MYO19: variants seen among roughly 807,000 people sequenced by gnomAD.
MYO19 encodes the protein unconventional myosin-XIX.
A neutral mutation model predicts 129.2 loss-of-function variants in MYO19; 132 were observed. The ratio of observed to expected loss-of-function variants is 1.02; its 90% CI spans 0.89 to 1.18. The LOEUF is 1.18. Among genes scored for constraint, MYO19 ranks in the 50% most tolerant of loss-of-function variants. The pLI is 0.00. For synonymous variants in MYO19, 531 were observed against 477.2 expected, an observed-to-expected ratio of 1.11 and a Z score of -1.47; for missense variants, 1,210 against 1,216.7, an observed-to-expected ratio of 0.99 and a Z score of 0.08.
At position 36,528,119 on chromosome 17, in the gene MYO19, G is replaced by T. The variant is rs2142386841; in HGVS notation, c.96C>A (p.Val32=). 3 of 1,613,802 alleles carry T rather than the reference G, an allele frequency of 1.9e-6. No homozygotes were observed. Among genetic ancestry groups the T allele is most frequent in the African/African-American group, 2.7e-5 (2 of 75,034 alleles). The change falls in exon 4 of 26, where the codon GTC becomes GTA. Residue 32 remains valine (V), a synonymous_variant. Coordinates refer to ENST00000614623, the MANE Select transcript of MYO19 (RefSeq NM_001163735.2). The part of the protein sequence containing the change: ...EDLQEFLGGE[V]LLYKLDDLTR... ...TGAGGTCATCCAGTTTGTACAGCAG[G>T]ACCTCCCCACCCAGGAACTCCTGCA...
chr17:36,520,012 T>C (rs1352106358), intron 6 of MYO19, among the ~76,000 whole-genome samples: 15 of 152,172 alleles, frequency 9.9e-5, no homozygotes, highest in Non-Finnish European at 1.5e-5. Flanking sequence ...TTTTCCTTTT[T>C]TTTGAGACAG....
intron 9 of MYO19, 49 bp from the exon 10 acceptor site, chr17:36,513,774 C>T (rs745804033): frequency 6.5e-7 from 1 of 1,545,444 alleles, no homozygotes; most frequent in South Asian, 1.1e-5. Context: ...TGAGAAAAGC[C>T]CAGGCCTGCA....
At chr17:36,535,750 T>G (rs2074099266), upstream of MYO19, 1 of 152,162 alleles carries the variant, frequency 6.6e-6, no homozygotes, top group Non-Finnish European at 1.5e-5. Context: ...CTTCCACCTC[T>G]GGGCTCAAGC....
In MYO19 at chr17:36,505,285, G is replaced by T; in HGVS notation, c.1905+12C>A. 1 of 1,611,134 alleles carries T rather than the reference G, an allele frequency of 6.2e-7. No homozygotes were observed. Among genetic ancestry groups the T allele is most frequent in the Non-Finnish European group, 8.5e-7 (1 of 1,177,248 alleles). On this transcript the variant is annotated intron_variant, in intron 19 of 25. Coordinates refer to ENST00000614623, the MANE Select transcript of MYO19 (RefSeq NM_001163735.2). ...GTTTGGTGCGAAGCAGCTTTGGCCC[G>T]GTGTTAATTACCTCCTCTTGGAGAA...
In MYO19 at chr17:36,496,667, G is replaced by C. The variant is rs189612240; in HGVS notation, c.2758-261C>G. ...AGAAGGGCAAAACATTTACCCTTCT[G>C]TTTAGCAGGCCTGTGTGTTTTCATG... is the stretch of plus-strand genomic sequence containing the variant. On this transcript the variant is annotated intron_variant, in intron 25 of 25. Coordinates refer to ENST00000614623, the MANE Select transcript of MYO19 (RefSeq NM_001163735.2). 3.9e-5 allele frequency among the ~76,000 whole-genome samples: 6 copies of C among 152,282 alleles called. No individual in the cohort carries two copies. In the East Asian group the frequency reaches 1.2e-3, roughly 29 times the overall value.
chr17:36,542,401 G>C lies in MYO19; in HGVS notation n.311-236C>G, dbSNP rs572208786. ...GTTCTTTACCAACCAGAATCCTAATGAAGTCTAAAAGGTTTAGGCTGGGCA... is the reference window on the plus strand; with the variant it reads ...GTTCTTTACCAACCAGAATCCTAATCAAGTCTAAAAGGTTTAGGCTGGGCA... On this transcript the variant is annotated intron_variant and non_coding_transcript_variant, in intron 1 of 2. Transcript: ENST00000610496. Among the ~76,000 whole-genome samples the C allele has an allele frequency of 2.4e-4, 37 of 152,126 alleles. 1 individual carries two copies. Among genetic ancestry groups the C allele is most frequent in the South Asian group, 1.7e-3 (8 of 4,818 alleles).
At chr17:36,502,400 A>G (rs2142833900) in intron 21 of MYO19, among the ~76,000 whole-genome samples, 1 of 152,138 alleles carries the variant, frequency 6.6e-6, no homozygotes, top group East Asian at 1.9e-4. Context: ...CTCACTTCCC[A>G]GGCTAAGTTA....
chr17:36,531,176 C>T (rs1020848252), intron 3 of MYO19, among the ~76,000 whole-genome samples: 17 of 151,798 alleles, frequency 1.1e-4, no homozygotes, highest in African/African-American at 3.9e-4. Context: ...GGGTGGATCA[C>T]GAGGTCAGGA....
chr17:36,532,235 T>G (rs2073874962), intron 3 of MYO19, among the ~76,000 whole-genome samples: 1 of 152,080 alleles, frequency 6.6e-6, no homozygotes, highest in Admixed American at 6.6e-5. Flanking sequence ...CCTCAACAAT[T>G]CAGGTGGCAG....
At chr17:36,509,202 TC>T in intron 13 of MYO19, 67 bp from the exon 14 acceptor site, 6 of 1,452,044 alleles carry the variant, frequency 4.1e-6, no homozygotes, top group Admixed American at 1.8e-5. Context: ...GTAAAATTGC[TC>T]CCCCCATCAG....
chr17:36,498,745 G>C (rs1269334582), intron 24 of MYO19, 186 bp from the exon 25 acceptor site: 1 of 637,794 alleles, frequency 1.6e-6, no homozygotes, highest in East Asian at 2.7e-5. Context: ...CCAGGCAACT[G>C]TGCTTAGGCC....
chr17:36,523,535 C>T (rs1333963239), intron 6 of MYO19, among the ~76,000 whole-genome samples: 1 of 151,952 alleles, frequency 6.6e-6, no homozygotes, highest in East Asian at 1.9e-4. Flanking sequence ...TTTACTTGCC[C>T]CACTTTTTCA....
At chr17:36,513,050 CAG>C in intron 11 of MYO19, 1 of 1,165,986 alleles carries the variant, frequency 8.6e-7, no homozygotes, top group South Asian at 1.9e-5. Context: ...TAAACACACA[CAG>C]AGGACTGTTT....
intron 11 of MYO19, chr17:36,512,844 C>T: frequency 8.1e-7 from 1 of 1,227,770 alleles, no homozygotes; most frequent in Non-Finnish European, 1.0e-6. Context: ...GGGAGGCCCC[C>T]CTAGTGTGAC....
intron 3 of MYO19, among the ~76,000 whole-genome samples, chr17:36,532,051 G>C (rs1042349509): frequency 2.6e-5 from 4 of 152,164 alleles, no homozygotes; most frequent in African/African-American, 9.6e-5. Flanking sequence ...TGTAACCCAT[G>C]ATCCACTCAT....
intron 23 of MYO19, chr17:36,500,504 A>C: frequency 6.9e-6 from 2 of 290,188 alleles, no homozygotes; most frequent in Non-Finnish European, 1.3e-5. Context: ...CCCAGCAGGT[A>C]ATGGTTTGAG....
At chr17:36,521,117 G>A (rs1269036658) in intron 6 of MYO19, among the ~76,000 whole-genome samples, 1 of 152,152 alleles carries the variant, frequency 6.6e-6, no homozygotes. Context: ...AAAGACTGGA[G>A]GAATCTTTTC....
rs990690753 is a variant in MYO19 at position 36,496,103 on chromosome 17, G to T, written c.*148C>A. On this transcript the variant is annotated 3_prime_UTR_variant, in exon 26 of 26. Transcript: ENST00000614623. ...CCAGGCCCACTGACGCACTGGGCAC[G>T]GGGCTCTGGGTCGAAGGCTGGAGCC... 3.6e-6 allele frequency: 4 copies of T among 1,123,506 alleles called. No homozygotes were observed. Among genetic ancestry groups the T allele is most frequent in the African/African-American group, 3.1e-5 (2 of 64,550 alleles). The allele number at this position is 1,123,506 out of a possible 1,614,324, so 69.6% of individuals were successfully genotyped here.
chr17:36,508,854 T>G lies in MYO19; in HGVS notation c.1231+208A>C. 1.8e-5 allele frequency: 11 copies of G among 600,574 alleles called. No individual in the cohort carries two copies. The South Asian group carries it at 2.0e-4, about 11-fold the overall frequency. 37.2% of individuals were successfully genotyped at this position (600,574 alleles called of 1,614,324 possible). A position where few individuals can be genotyped will look rare whatever the true frequency, so the allele number is the denominator to read the frequency against. The stretch of plus-strand genomic sequence containing the variant: ...GCACTGTTGAGCCTGTCTGGAGAGT[T>G]ATGGACTGCTCAGATGTGGGTGCAG... On this transcript the variant is annotated intron_variant, in intron 14 of 25. Coordinates refer to ENST00000614623, the MANE Select transcript of MYO19 (RefSeq NM_001163735.2).
Sources: allele counts gnomAD v4.1 joint callset (sites outside exome capture counted in the v4.1 genomes callset), GRCh38; gene constraint gnomAD v4.1.1; transcripts MANE v1.5; gene names NCBI Gene and HGNC (gene_info 2026-07-23, HGNC 2026-07-21).